The following NAALADL2 variants were observed in gnomAD, a reference collection of about 807,000 sequenced individuals.
The protein encoded by NAALADL2 is N-acetylated alpha-linked acidic dipeptidase like 2.
NAALADL2 carries 76 observed loss-of-function variants against 87.2 expected under a neutral mutation model. That is an observed-to-expected ratio of 0.87 (90% confidence interval 0.72 to 1.05). The LOEUF (loss-of-function observed/expected upper bound fraction) is 1.05, where lower values mean the gene tolerates loss of function less well. Among genes scored for constraint, NAALADL2 ranks in the 50% least tolerant of loss-of-function variants. The pLI is 0.00. For synonymous variants in NAALADL2, 354 were observed against 331.0 expected (o/e 1.07, Z -0.75); for missense variants, 1,089 against 945.8 (o/e 1.15, Z -1.99).
At chr3:174,747,157 GAA>G (rs1041269860) in intron 3 of NAALADL2, among the ~76,000 whole-genome samples, 3 of 152,212 alleles carry the variant, frequency 2.0e-5, no homozygotes, top group African/African-American at 7.2e-5. Context: ...CAGAATGAGA[GAA>G]AATTTTTGCA....
chr3:175,373,423 G>A (rs893434599), intron 5 of NAALADL2, among the ~76,000 whole-genome samples: 1 of 151,606 alleles, frequency 6.6e-6, no homozygotes, highest in African/African-American at 2.4e-5. Flanking sequence ...GTAGTAATAT[G>A]TCCTGTAGTA....
intron 5 of NAALADL2, among the ~76,000 whole-genome samples, chr3:175,326,520 A>G (rs1442327910): frequency 6.6e-6 from 1 of 152,200 alleles, no homozygotes; most frequent in Non-Finnish European, 1.5e-5. Flanking sequence ...AATTTGTTAT[A>G]GCAAGAACCG....
chr3:175,673,255 A>G (rs897486203), intron 11 of NAALADL2, among the ~76,000 whole-genome samples: 3 of 152,184 alleles, frequency 2.0e-5, no homozygotes, highest in Non-Finnish European at 2.9e-5. Context: ...GCATCTTCAC[A>G]TTGCAAAAAC....
At chr3:175,780,410 A>G (rs1340355513) in intron 13 of NAALADL2, among the ~76,000 whole-genome samples, 2 of 152,190 alleles carry the variant, frequency 1.3e-5, no homozygotes, top group African/African-American at 4.8e-5. Flanking sequence ...GCAAATTTGC[A>G]TATACATGTA....
At chr3:175,499,694 G>A (rs542780584) in intron 9 of NAALADL2, among the ~76,000 whole-genome samples, 1 of 152,202 alleles carries the variant, frequency 6.6e-6, no homozygotes, top group African/African-American at 2.4e-5. Flanking sequence ...CAGTTGGACA[G>A]ATCCCACTTA....
At chr3:175,359,940 G>A (rs1272302899) in intron 5 of NAALADL2, among the ~76,000 whole-genome samples, 1 of 152,004 alleles carries the variant, frequency 6.6e-6, no homozygotes, top group Non-Finnish European at 1.5e-5. Flanking sequence ...GCCACTTTAA[G>A]TTTTTTTAAC....
intron 2 of NAALADL2, among the ~76,000 whole-genome samples, chr3:174,578,398 A>G (rs1381173431): frequency 6.6e-6 from 1 of 152,026 alleles, no homozygotes. Context: ...TATATAGAGA[A>G]AAGATGATAG....
intron 1 of NAALADL2, among the ~76,000 whole-genome samples, chr3:175,068,845 C>A (rs1431654541): frequency 6.6e-6 from 1 of 152,044 alleles, no homozygotes; most frequent in Non-Finnish European, 1.5e-5. Context: ...CACTTGGTAT[C>A]TTCCATGGAA....
chr3:175,714,481 G>T (rs1740967263), intron 11 of NAALADL2, among the ~76,000 whole-genome samples: 1 of 152,178 alleles, frequency 6.6e-6, no homozygotes, highest in Non-Finnish European at 1.5e-5. Flanking sequence ...CTAATGACCA[G>T]TGTTGATGAG....
At chr3:175,128,670 A>G (rs1436847010) in intron 2 of NAALADL2, among the ~76,000 whole-genome samples, 1 of 152,174 alleles carries the variant, frequency 6.6e-6, no homozygotes, top group Non-Finnish European at 1.5e-5. Context: ...AGTGAATTTA[A>G]CAAAGGGAAG....
chr3:175,604,611 T>A (rs1266966654), intron 10 of NAALADL2, among the ~76,000 whole-genome samples: 1 of 152,176 alleles, frequency 6.6e-6, no homozygotes, highest in African/African-American at 2.4e-5. Context: ...GCCGAAATTT[T>A]TTTAAAGTCT....
intron 1 of NAALADL2, among the ~76,000 whole-genome samples, chr3:174,974,978 T>A (rs1744184502): frequency 6.6e-6 from 1 of 152,206 alleles, no homozygotes; most frequent in Non-Finnish European, 1.5e-5. Context: ...ATTTGGGGAA[T>A]TACAGAAACT....
chr3:175,444,112 G>T (rs1311638622), intron 5 of NAALADL2, among the ~76,000 whole-genome samples: 2 of 152,144 alleles, frequency 1.3e-5, no homozygotes, highest in South Asian at 2.1e-4. Flanking sequence ...GAAGTATAAG[G>T]TTTGGGATCA....
chr3:174,729,121 C>T (rs566338912), intron 2 of NAALADL2, among the ~76,000 whole-genome samples: 74 of 152,066 alleles, frequency 4.9e-4, no homozygotes, highest in Middle Eastern at 3.4e-3. Flanking sequence ...AAATGGGCCA[C>T]GTTCTAAGAA....
In NAALADL2 at chr3:175,485,120, A is replaced by G. The variant is rs1303298065; in HGVS notation, c.1653+13362A>G. ...CTATTGCTTAACCTCTCTTAGCTTCAGTTTTGTTTCATCTTTCTATAAAAT... is the reference window on the plus strand; with the variant it reads ...CTATTGCTTAACCTCTCTTAGCTTCGGTTTTGTTTCATCTTTCTATAAAAT... On this transcript the variant is annotated intron_variant, in intron 9 of 13. Coordinates refer to ENST00000454872, the MANE Select transcript of NAALADL2 (RefSeq NM_207015.3). Among the ~76,000 whole-genome samples the G allele has an allele frequency of 1.3e-5, 2 of 152,156 alleles. 1 individual carries two copies.
intron 2 of NAALADL2, among the ~76,000 whole-genome samples, chr3:175,186,207 G>A (rs1347206773): frequency 6.6e-6 from 1 of 152,030 alleles, no homozygotes; most frequent in Admixed American, 6.6e-5. Flanking sequence ...TGCCTTATTT[G>A]TAGTGTCAGT....
At chr3:175,171,304 C>A (rs1425876243) in intron 2 of NAALADL2, among the ~76,000 whole-genome samples, 1 of 152,004 alleles carries the variant, frequency 6.6e-6, no homozygotes, top group African/African-American at 2.4e-5. Context: ...GGAAAGTAAG[C>A]AATTGGCCAA....
chr3:174,810,726 G>A (rs1720081572), intron 3 of NAALADL2, among the ~76,000 whole-genome samples: 1 of 152,178 alleles, frequency 6.6e-6, no homozygotes, highest in South Asian at 2.1e-4. Context: ...TGGAGATTGG[G>A]AGGCAACTCA....
intron 13 of NAALADL2, among the ~76,000 whole-genome samples, chr3:175,786,262 G>C (rs1485222562): frequency 6.7e-6 from 1 of 150,286 alleles, no homozygotes; most frequent in Non-Finnish European, 1.5e-5. Flanking sequence ...TGCTAGATTG[G>C]GGAAGTTCTC....
Sources: allele counts gnomAD v4.1 joint callset (sites outside exome capture counted in the v4.1 genomes callset), GRCh38; gene constraint gnomAD v4.1.1; transcripts MANE v1.5; gene names NCBI Gene and HGNC (gene_info 2026-07-23, HGNC 2026-07-21).